PCDH15: variants seen among roughly 807,000 people sequenced by gnomAD.
The protein encoded by PCDH15 is protocadherin-15.
PCDH15 carries 129 observed loss-of-function variants against 178.5 expected under a neutral mutation model. The observed-to-expected ratio is 0.72, with a 90% CI of 0.63 to 0.84. The LOEUF is 0.84. PCDH15 is among the 40% of genes least tolerant of loss of function. The pLI, the probability that PCDH15 is intolerant of heterozygous loss-of-function variation, is 0.00. For synonymous variants in PCDH15, 800 were observed against 732.0 expected (o/e 1.09, Z -1.50); for missense variants, 2,230 against 2,099.9 (o/e 1.06, Z -1.21).
At chr10:54,211,726 A>G (rs553446028) in intron 10 of PCDH15, among the ~76,000 whole-genome samples, 3 of 152,162 alleles carry the variant, frequency 2.0e-5, no homozygotes, top group Admixed American at 6.5e-5. Context: ...CCAATGAAAA[A>G]ATGAAGTATT....
chr10:54,293,401 G>C (rs1042418912), intron 8 of PCDH15, among the ~76,000 whole-genome samples: 1 of 152,086 alleles, frequency 6.6e-6, no homozygotes, highest in African/African-American at 2.4e-5. Flanking sequence ...CAGGACATAG[G>C]CATAGGCAAA....
chr10:54,934,740 A>G (rs1449222242), intron 2 of PCDH15, among the ~76,000 whole-genome samples: 1 of 151,732 alleles, frequency 6.6e-6, no homozygotes, highest in African/African-American at 2.4e-5. Context: ...TATATACCCA[A>G]AGGATTATAA....
chr10:54,005,367 A>G (rs1366484606), intron 20 of PCDH15, among the ~76,000 whole-genome samples: 1 of 152,178 alleles, frequency 6.6e-6, no homozygotes, highest in Non-Finnish European at 1.5e-5. Context: ...AACAAAGTAA[A>G]GAGACAACCC....
At chr10:53,886,750 T>C (rs1021597968) in intron 26 of PCDH15, among the ~76,000 whole-genome samples, 4 of 152,108 alleles carry the variant, frequency 2.6e-5, no homozygotes, top group African/African-American at 9.7e-5. Flanking sequence ...ATTCAAATGT[T>C]ACTTAATCTC....
chr10:54,369,356 G>A (rs748429784), intron 4 of PCDH15, 81 bp from the exon 5 acceptor site: 13 of 1,260,218 alleles, frequency 1.0e-5, no homozygotes, highest in Admixed American at 1.9e-5. Flanking sequence ...CGTTCATTCA[G>A]TACATTTTTC....
At chr10:53,999,322 C>T (rs2092010063) in intron 20 of PCDH15, among the ~76,000 whole-genome samples, 1 of 152,174 alleles carries the variant, frequency 6.6e-6, no homozygotes, top group African/African-American at 2.4e-5. Flanking sequence ...TTTTCCACTA[C>T]TAGACACTTT....
At chr10:55,584,110 T>C (rs1439229616) in intron 2 of PCDH15, among the ~76,000 whole-genome samples, 2 of 151,816 alleles carry the variant, frequency 1.3e-5, no homozygotes, top group Non-Finnish European at 2.9e-5. Flanking sequence ...ACAATAACTC[T>C]TGTGCTCAAA....
rs552926714 is a variant in PCDH15, at chr10:55,549,388, C to T, written c.-156+78237G>A. ...ATGAGTATGCTTACAACATTCAGTA[C>T]AACAAAATTAAAAACTCCAAGATGA... is the stretch of plus-strand genomic sequence containing the variant. On this transcript the variant is annotated intron_variant, in intron 2 of 5. Transcript: ENST00000613346. Among the ~76,000 whole-genome samples, 119 of 152,146 alleles carry T rather than the reference C, an allele frequency of 7.8e-4. 1 individual carries two copies. The highest frequency in any genetic ancestry group is 2.8e-3 in the African/African-American group (117 of 41,540).
At chr10:53,877,094 G>C (rs943963122) in intron 26 of PCDH15, among the ~76,000 whole-genome samples, 1 of 152,006 alleles carries the variant, frequency 6.6e-6, no homozygotes, top group African/African-American at 2.4e-5. Context: ...ACCATAGAAG[G>C]CTTGAGAGTA....
chr10:54,825,662 T>C (rs937801489), intron 3 of PCDH15, among the ~76,000 whole-genome samples: 1 of 151,938 alleles, frequency 6.6e-6, no homozygotes, highest in Non-Finnish European at 1.5e-5. Context: ...TTTGGCTGCA[T>C]AAATGTCTTC....
At chr10:55,314,245 T>A (rs1843665835) in intron 1 of PCDH15, among the ~76,000 whole-genome samples, 1 of 149,712 alleles carries the variant, frequency 6.7e-6, no homozygotes, top group African/African-American at 2.4e-5. Context: ...TCAGTGTTCG[T>A]CATTACCCTG....
intron 21 of PCDH15, among the ~76,000 whole-genome samples, chr10:53,983,651 G>A (rs569415987): frequency 4.6e-5 from 7 of 152,192 alleles, no homozygotes; most frequent in African/African-American, 1.7e-4. Context: ...AAAGGTAAAC[G>A]TAACTCGACC....
At chr10:54,731,489 C>T (rs772934932) in intron 1 of PCDH15, among the ~76,000 whole-genome samples, 11 of 142,850 alleles carry the variant, frequency 7.7e-5, no homozygotes, top group Non-Finnish European at 1.2e-4. Context: ...ATTTGCTATA[C>T]CCAAATTATG....
intron 2 of PCDH15, among the ~76,000 whole-genome samples, chr10:55,075,430 A>G (rs1224596112): frequency 2.7e-5 from 4 of 149,376 alleles, no homozygotes; most frequent in Non-Finnish European, 5.9e-5. Context: ...CAGTGGTGCA[A>G]TCTCAGCTCA....
chr10:53,932,756 G>A (rs1322678222), intron 25 of PCDH15, among the ~76,000 whole-genome samples: 1 of 152,136 alleles, frequency 6.6e-6, no homozygotes, highest in African/African-American at 2.4e-5. Flanking sequence ...TGATGGTTTT[G>A]GTCTAGGTTC....
intron 2 of PCDH15, among the ~76,000 whole-genome samples, chr10:55,027,648 G>T (rs1840506884): frequency 1.3e-5 from 2 of 151,710 alleles, no homozygotes; most frequent in Non-Finnish European, 3.0e-5. Context: ...CCCTGTCATA[G>T]GTATTCAGTA....
chr10:54,838,656 C>T (rs1953364040), intron 3 of PCDH15, among the ~76,000 whole-genome samples: 1 of 152,080 alleles, frequency 6.6e-6, no homozygotes, highest in African/African-American at 2.4e-5. Flanking sequence ...TCTCAAATGG[C>T]CATGTAACCC....
At chr10:55,389,466 T>A (rs1837740924) in intron 2 of PCDH15, among the ~76,000 whole-genome samples, 1 of 152,138 alleles carries the variant, frequency 6.6e-6, no homozygotes. Flanking sequence ...GTATTATTCC[T>A]TTGAGACATA....
At chr10:54,640,551 C>T (rs1049804144) in intron 2 of PCDH15, among the ~76,000 whole-genome samples, 2 of 151,812 alleles carry the variant, frequency 1.3e-5, no homozygotes, top group Admixed American at 6.6e-5. Flanking sequence ...TGTCACCCTG[C>T]GTAGCTTGAA....
Sources: allele counts gnomAD v4.1 joint callset (sites outside exome capture counted in the v4.1 genomes callset), GRCh38; gene constraint gnomAD v4.1.1; transcripts MANE v1.5; gene names NCBI Gene and HGNC (gene_info 2026-07-23, HGNC 2026-07-21).